CAPN1: variants seen among roughly 807,000 people sequenced by gnomAD.
CAPN1 encodes calpain 1.
Under a neutral mutation model 105.2 loss-of-function variants are expected in CAPN1, and 77 were observed. That is an observed-to-expected ratio of 0.73 (90% confidence interval 0.61 to 0.88). The LOEUF is 0.88. Ranked by LOEUF, CAPN1 falls within the 40% of genes least tolerant of loss-of-function variation. The pLI is 0.00. For missense variants in CAPN1, 833 were observed against 976.6 expected (o/e 0.85, Z 1.96); for synonymous variants, 355 against 388.8 (o/e 0.91, Z 1.02).
Position 65,183,525 on chromosome 11 carries a change from TCCTGCA to T in CAPN1, c.392_397del (p.Leu131_His132del), listed in dbSNP as rs1171798916. The T allele has an allele frequency of 1.9e-6, 3 of 1,613,720 alleles. No homozygotes were observed. Among genetic ancestry groups the T allele is most frequent in the Non-Finnish European group, 2.5e-6 (3 of 1,179,816 alleles). On this transcript the variant is annotated inframe_deletion, in exon 4 of 22. Coordinates refer to ENST00000279247, the MANE Select transcript of CAPN1 (RefSeq NM_005186.4). The stretch of plus-strand genomic sequence containing the variant: ...GCCTCCCTCACTCTCAACGACACCC[TCCTGCA>T]CCGAGTGGTTCCGCACGGCCAGAGC...
rs1239929856 is a variant in CAPN1 at position 65,186,025 on chromosome 11, G to A, written c.565G>A (p.Ala189Thr). The A allele has an allele frequency of 2.3e-5, 37 of 1,611,044 alleles. No homozygotes were observed. The highest frequency in any genetic ancestry group is 2.8e-5 in the Non-Finnish European group (33 of 1,178,632). ...TGCCGAAGGCAACGAGTTCTGGAGC[G>A]CCCTGCTTGAGAAGGCCTATGCCAA... Reference protein sequence around the residue: ...HSAEGNEFWSALLEKAYAKVN... With the variant: ...HSAEGNEFWSTLLEKAYAKVN... Residue 189 changes from alanine to threonine, a missense_variant, in exon 5 of 22, where the codon GCC (alanine) becomes ACC (threonine). Physicochemically the swap from Ala to Thr is moderately conservative, Grantham distance 58. Coordinates refer to ENST00000279247, the MANE Select transcript of CAPN1 (RefSeq NM_005186.4).
In CAPN1 at chr11:65,188,210, C is replaced by A; in HGVS notation, c.929+170C>A. On this transcript the variant is annotated intron_variant, in intron 8 of 21. Transcript: ENST00000279247. This position sits in a 1 kb window ranked among gnomAD's most constrained non-coding sequence, Gnocchi z 5.5. ...TCTGACAAAGCTCAGGCCGTGCGGG[C>A]CCCTGTGCCCAGCCGTCGGGTGTGT... 1 of 685,218 alleles carries A rather than the reference C, an allele frequency of 1.5e-6. No individual in the cohort carries two copies. The highest frequency in any genetic ancestry group is 1.9e-5 in the South Asian group (1 of 52,452). 42.4% of individuals were successfully genotyped at this position (685,218 alleles called of 1,614,324 possible).
chr11:65,189,999 G>A (rs550934752), intron 10 of CAPN1, among the ~76,000 whole-genome samples: 2 of 151,968 alleles, frequency 1.3e-5, no homozygotes, highest in African/African-American at 4.8e-5. Context: ...TGTCCTCATC[G>A]CCTCCCCACC....
At chr11:65,192,916 A>G (rs1948738231) in intron 10 of CAPN1, among the ~76,000 whole-genome samples, 1 of 146,494 alleles carries the variant, frequency 6.8e-6, no homozygotes, top group Non-Finnish European at 1.5e-5. Context: ...CCTGAGTTGT[A>G]TTTTCTAATA....
chr11:65,199,052 C>T (rs1948831311), intron 10 of CAPN1, among the ~76,000 whole-genome samples: 1 of 152,158 alleles, frequency 6.6e-6, no homozygotes, highest in Non-Finnish European at 1.5e-5. Flanking sequence ...CCAGGCTAGT[C>T]TCGAACACCT....
At position 65,210,085 on chromosome 11, in the gene CAPN1, TTGAGTCGGCAGG is replaced by T; in HGVS notation, c.1936_1942+5del. On this transcript the variant is annotated splice_donor_variant and coding_sequence_variant, in exon 19 of 22. Coordinates refer to ENST00000279247, the MANE Select transcript of CAPN1 (RefSeq NM_005186.4). LOFTEE classifies it high-confidence loss of function. The surrounding 1 kb of genome is among the most constrained non-coding windows in gnomAD (Gnocchi z 4.3). ...AGTGCCTACGAGATGCGGATGGCCA[TTGAGTCGGCAGG>T]TGAGACTCCAAGGCTGACGGCACCT... is the stretch of plus-strand genomic sequence containing the variant. 2 of 1,612,404 alleles carry T rather than the reference TTGAGTCGGCAGG, an allele frequency of 1.2e-6. No homozygotes were observed. Among genetic ancestry groups the T allele is most frequent in the Non-Finnish European group, 1.7e-6 (2 of 1,179,646 alleles).
intron 7 of CAPN1, chr11:65,187,603 TG>T (rs770387637): frequency 2.0e-5 from 10 of 491,090 alleles, no homozygotes; most frequent in Non-Finnish European, 3.7e-5. Context: ...AGTGCGTGCA[TG>T]GGCCAGGTGC....
At chr11:65,185,614 C>A (rs1297708055) in intron 4 of CAPN1, among the ~76,000 whole-genome samples, 1 of 150,820 alleles carries the variant, frequency 6.6e-6, no homozygotes, top group African/African-American at 2.4e-5. Flanking sequence ...GGGTGAAATA[C>A]TTTGATTTCC....
intron 14 of CAPN1, among the ~76,000 whole-genome samples, chr11:65,207,170 G>A (rs1948973392): frequency 6.6e-6 from 1 of 151,206 alleles, no homozygotes; most frequent in African/African-American, 2.4e-5. Flanking sequence ...ACTTGCCTGA[G>A]GCCATACAGT....
Position 65,206,669 on chromosome 11 carries a change from G to A in CAPN1, c.1560G>A (p.Gly520=). The A allele has an allele frequency of 1.2e-6, 2 of 1,613,212 alleles. No individual in the cohort carries two copies. The highest frequency in any genetic ancestry group is 1.7e-6 in the Non-Finnish European group (2 of 1,179,782). The change falls in exon 13 of 22, where the codon GGG becomes GGA. Residue 520 remains glycine (G), a synonymous_variant. Coordinates refer to ENST00000279247, the MANE Select transcript of CAPN1 (RefSeq NM_005186.4). The part of the protein sequence containing the change: ...VLRFFSEKSA[G]TVELDDQIQA... ...GCTTCTTCTCAGAGAAGAGTGCTGGGACTGTGTGAGTCATGGACTGGCCCC... is the reference window on the plus strand; with the variant it reads ...GCTTCTTCTCAGAGAAGAGTGCTGGAACTGTGTGAGTCATGGACTGGCCCC...
Position 65,188,324 on chromosome 11 carries a change from G to A in CAPN1, c.930-90G>A, listed in dbSNP as rs1010328370. ...TGAGGAGGCCACCTGGGCTGGGCCG[G>A]GGGAAGACAGGCCAGGGTAGACAGG... On this transcript the variant is annotated intron_variant, in intron 8 of 21. Coordinates refer to ENST00000279247, the MANE Select transcript of CAPN1 (RefSeq NM_005186.4). This position sits in a 1 kb window ranked among gnomAD's most constrained non-coding sequence, Gnocchi z 5.5. 71 of 1,223,396 alleles carry A rather than the reference G, an allele frequency of 5.8e-5. No individual in the cohort carries two copies. The African/African-American group carries it at 9.0e-4, about 15-fold the overall frequency. 75.8% of individuals were successfully genotyped at this position (1,223,396 alleles called of 1,614,324 possible).
rs1478789279 is a variant in CAPN1 at position 65,208,479 on chromosome 11, G to A, written c.1729+217G>A. 1 of 609,436 alleles carries A rather than the reference G, an allele frequency of 1.6e-6. No homozygotes were observed. The highest frequency in any genetic ancestry group is 1.8e-5 in the African/African-American group (1 of 54,338). 37.8% of individuals were successfully genotyped at this position (609,436 alleles called of 1,614,324 possible). A position where few individuals can be genotyped will look rare whatever the true frequency, so the allele number is the denominator to read the frequency against. On this transcript the variant is annotated intron_variant, in intron 16 of 21. Coordinates refer to ENST00000279247, the MANE Select transcript of CAPN1 (RefSeq NM_005186.4). The surrounding 1 kb of genome is among the most constrained non-coding windows in gnomAD (Gnocchi z 4.1). ...CTGTGCTCGGGTGCTGTGCCTTTGT[G>A]GGATTAGCAGCGCAGCCTGGCCAGG... is the stretch of plus-strand genomic sequence containing the variant.
At position 65,210,331 on chromosome 11, in the gene CAPN1, AC is replaced by A; in HGVS notation, c.1943-3del. On this transcript the variant is annotated splice_region_variant and splice_polypyrimidine_tract_variant and intron_variant, in intron 19 of 21. Coordinates refer to ENST00000279247, the MANE Select transcript of CAPN1 (RefSeq NM_005186.4). This position sits in a 1 kb window ranked among gnomAD's most constrained non-coding sequence, Gnocchi z 4.3. ...CACTGACCTTCACTCACTCTCCTGG[AC>A]CAGGCTTCAAGCTCAACAAGAAGCT... 6.2e-7 allele frequency: 1 copy of A among 1,602,342 alleles called. No homozygotes were observed. The highest frequency in any genetic ancestry group is 8.5e-7 in the Non-Finnish European group (1 of 1,170,836).
Position 65,200,932 on chromosome 11 carries a change from C to CTTTTTTT in CAPN1, c.1166-3727_1166-3721dup, listed in dbSNP as rs56897147. ...TACAGATCCATGCCACCATGCCTGG[C>CTTTTTTT]TTTTTTTTTTTTTTTTTTTTTTTTT... On this transcript the variant is annotated intron_variant, in intron 10 of 21. Transcript: ENST00000279247. Among the ~76,000 whole-genome samples the CTTTTTTT allele has an allele frequency of 3.6e-4, 18 of 49,458 alleles. 4 individuals are homozygous for CTTTTTTT. The highest frequency in any genetic ancestry group is 9.4e-4 in the African/African-American group (13 of 13,824). 32.4% of individuals were successfully genotyped at this position (49,458 alleles called of 152,430 possible).
chr11:65,206,121 G>A (rs1209175213), intron 12 of CAPN1: 2 of 515,480 alleles, frequency 3.9e-6, no homozygotes, highest in East Asian at 3.3e-5. Flanking sequence ...TGTAAAATGG[G>A]TGTAACAGCA....
chr11:65,183,715 C>G, intron 4 of CAPN1, 123 bp downstream of exon 4: 1 of 663,926 alleles, frequency 1.5e-6, no homozygotes. Context: ...AGGTATTTGA[C>G]CTCTCAGTGC....
chr11:65,210,097 G>A lies in CAPN1; in HGVS notation c.1942+1G>A. ...ATGCGGATGGCCATTGAGTCGGCAGGTGAGACTCCAAGGCTGACGGCACCT... is the reference window on the plus strand; with the variant it reads ...ATGCGGATGGCCATTGAGTCGGCAGATGAGACTCCAAGGCTGACGGCACCT... On this transcript the variant is annotated splice_donor_variant, in intron 19 of 21. Transcript: ENST00000279247. LOFTEE classifies it high-confidence loss of function. This position sits in a 1 kb window ranked among gnomAD's most constrained non-coding sequence, Gnocchi z 4.3. 3 of 1,611,460 alleles carry A rather than the reference G, an allele frequency of 1.9e-6. No homozygotes were observed. Among genetic ancestry groups the A allele is most frequent in the Non-Finnish European group, 2.5e-6 (3 of 1,178,806 alleles).
At chr11:65,189,028 G>A (rs866925330) in intron 10 of CAPN1, among the ~76,000 whole-genome samples, 2 of 151,520 alleles carry the variant, frequency 1.3e-5, no homozygotes, top group African/African-American at 4.8e-5. Context: ...TCCTGCCTTC[G>A]CTTTTTTTTT....
chr11:65,204,894 C>A, intron 11 of CAPN1, 36 bp downstream of exon 11: 5 of 1,568,136 alleles, frequency 3.2e-6, no homozygotes, highest in Non-Finnish European at 4.4e-6. Context: ...TCTCACTGAG[C>A]AGGCAGAGGA....
Sources: gnomAD v4.1 joint callset for allele counts (sites outside exome capture counted in the v4.1 genomes callset) on GRCh38, gnomAD v4.1.1 for gene constraint, Gnocchi (gnomAD v3.1) non-coding constraint, MANE v1.5 for transcripts, NCBI Gene and HGNC (gene_info 2026-07-23, HGNC 2026-07-21) for gene names.